RB1: variants seen among roughly 807,000 people sequenced by gnomAD.
RB1 encodes the protein retinoblastoma-associated protein.
In RB1, 18 loss-of-function variants were observed where a neutral mutation model predicts 135.4. The observed-to-expected ratio is 0.13, with a 90% CI of 0.09 to 0.20. The LOEUF is 0.20. Among genes scored for constraint, RB1 ranks in the 10% least tolerant of loss-of-function variants. RB1 has a pLI of 1.00. For synonymous variants in RB1, 365 were observed against 373.2 expected (o/e 0.98, Z 0.25); for missense variants, 868 against 1,110.0 (o/e 0.78, Z 3.10).
intron 2 of RB1, among the ~76,000 whole-genome samples, chr13:48,320,905 A>G (rs1952230329): frequency 6.6e-6 from 1 of 152,092 alleles, no homozygotes; most frequent in African/African-American, 2.4e-5. Flanking sequence ...TTTGCAGTTT[A>G]AAAAGGACGA....
At chr13:48,405,160 T>G (rs1948728480) in intron 17 of RB1, among the ~76,000 whole-genome samples, 1 of 152,168 alleles carries the variant, frequency 6.6e-6, no homozygotes, top group Non-Finnish European at 1.5e-5. Context: ...AATCCTACGA[T>G]GCAACAAGCC....
At position 48,373,426 on chromosome 13, in the gene RB1, A is replaced by G. The variant is rs1593451813; in HGVS notation, c.1149A>G (p.Gln383=). ...CTAGGACTGTTATGAACACTATCCAACAATTAATGATGATTTTAAATTCAG... is the reference window on the plus strand; with the variant it reads ...CTAGGACTGTTATGAACACTATCCAGCAATTAATGATGATTTTAAATTCAG... The part of the protein sequence containing the change: ...TPVRTVMNTI[Q]QLMMILNSAS... The change falls in exon 12 of 27, where the codon CAA becomes CAG. Residue 383 remains glutamine, a synonymous_variant. Transcript: ENST00000267163. The G allele has an allele frequency of 2.5e-6, 4 of 1,597,060 alleles. No individual in the cohort carries two copies.
chr13:48,419,649 T>G (rs992630420), intron 17 of RB1, among the ~76,000 whole-genome samples: 1 of 151,786 alleles, frequency 6.6e-6, no homozygotes, highest in South Asian at 2.1e-4. Context: ...GCCAGGCTAA[T>G]AAAGAAGAAA....
intron 17 of RB1, among the ~76,000 whole-genome samples, chr13:48,420,262 A>G (rs550044766): frequency 6.6e-6 from 1 of 152,256 alleles, no homozygotes; most frequent in Non-Finnish European, 1.5e-5. Context: ...AATCCATCAC[A>G]TAAACAGAAC....
At chr13:48,310,105 A>G (rs1187666056) in intron 2 of RB1, among the ~76,000 whole-genome samples, 2 of 152,132 alleles carry the variant, frequency 1.3e-5, no homozygotes, top group African/African-American at 4.8e-5. Context: ...TCCTGTTGTA[A>G]ATCAACAGAC....
intron 11 of RB1, among the ~76,000 whole-genome samples, chr13:48,372,733 T>G (rs967325545): frequency 1.3e-5 from 2 of 152,128 alleles, no homozygotes; most frequent in Non-Finnish European, 2.9e-5. Flanking sequence ...ACTGAGCATA[T>G]TTTACTAAAT....
chr13:48,347,795 G>A lies in RB1; in HGVS notation c.501-30G>A, dbSNP rs778983866. The A allele has an allele frequency of 5.3e-6, 8 of 1,518,098 alleles. No individual in the cohort carries two copies. The East Asian group carries it at 9.1e-5, about 17-fold the overall frequency. 94.0% of individuals were successfully genotyped at this position (1,518,098 alleles called of 1,614,324 possible). ...TATGACTTCTAAATTACGAAAAAAT[G>A]TTAAAAAGTCATAATGTTTTTCTTT... On this transcript the variant is annotated intron_variant, in intron 4 of 26. Transcript: ENST00000267163.
At chr13:48,479,263 A>G (rs1158100887) in intron 26 of RB1, among the ~76,000 whole-genome samples, 1 of 152,214 alleles carries the variant, frequency 6.6e-6, no homozygotes, top group Non-Finnish European at 1.5e-5. Context: ...TAAATGAGCT[A>G]TGATTTGATG....
chr13:48,414,286 G>T (rs904085863), intron 17 of RB1, among the ~76,000 whole-genome samples: 1 of 151,236 alleles, frequency 6.6e-6, no homozygotes, highest in Non-Finnish European at 1.5e-5. Flanking sequence ...GGCAGATGTT[G>T]CAGTGAACCA....
rs1952049962 is a variant in RB1, at chr13:48,303,823, G to T, written c.-90G>T. On this transcript the variant is annotated 5_prime_UTR_variant, in exon 1 of 27. Coordinates refer to ENST00000267163, the MANE Select transcript of RB1 (RefSeq NM_000321.3). ...GAAATTATTTTTGTAACGGGAGTCG[G>T]GAGAGGACGGGGCGTGCCCCGACGT... is the stretch of plus-strand genomic sequence containing the variant. 6.8e-7 allele frequency: 1 copy of T among 1,468,370 alleles called. No homozygotes were observed. Among genetic ancestry groups the T allele is most frequent in the Non-Finnish European group, 9.0e-7 (1 of 1,113,730 alleles). The allele number at this position is 1,468,370 out of a possible 1,614,324, so 91.0% of individuals were successfully genotyped here.
At chr13:48,371,501 A>G (rs1419544226) in intron 11 of RB1, among the ~76,000 whole-genome samples, 1 of 152,206 alleles carries the variant, frequency 6.6e-6, no homozygotes, top group Non-Finnish European at 1.5e-5. Flanking sequence ...GTTTTTAAAG[A>G]TCTGAACCAA....
intron 17 of RB1, among the ~76,000 whole-genome samples, chr13:48,397,935 A>G (rs955737471): frequency 1.7e-4 from 26 of 152,188 alleles, no homozygotes; most frequent in Non-Finnish European, 1.3e-4. Flanking sequence ...TACTTTGCAG[A>G]AGTATTTTAA....
intron 17 of RB1, among the ~76,000 whole-genome samples, chr13:48,419,819 C>G (rs951736897): frequency 6.6e-6 from 1 of 152,018 alleles, no homozygotes; most frequent in African/African-American, 2.4e-5. Flanking sequence ...ACACATACAC[C>G]CTCCCAAGAG....
chr13:48,328,481 G>A (rs4151445), intron 2 of RB1: 1 of 860,020 alleles, frequency 1.2e-6, no homozygotes, highest in Admixed American at 1.7e-5. Flanking sequence ...GCTGCGGCTG[G>A]AACTTTCCTC....
At chr13:48,314,864 T>C (rs1311435047) in intron 2 of RB1, among the ~76,000 whole-genome samples, 1 of 152,094 alleles carries the variant, frequency 6.6e-6, no homozygotes, top group Non-Finnish European at 1.5e-5. Context: ...ATAGTCCTCA[T>C]GTTGTATATT....
rs1489694228 is a variant in RB1, at chr13:48,304,063, G to A, written c.137+14G>A. The A allele has an allele frequency of 7.8e-6, 11 of 1,409,686 alleles. No individual in the cohort carries two copies. The highest frequency in any genetic ancestry group is 9.2e-6 in the Non-Finnish European group (10 of 1,090,736). 87.3% of individuals were successfully genotyped at this position (1,409,686 alleles called of 1,614,324 possible). On this transcript the variant is annotated intron_variant, in intron 1 of 26. Coordinates refer to ENST00000267163, the MANE Select transcript of RB1 (RefSeq NM_000321.3). ...GCCTCTCGTCAGGTGAGCGAGCAGA[G>A]CCGCCGTCGCCTCACGCGGGAAGGG...
rs1193739930 is a variant in RB1 at position 48,319,071 on chromosome 13, A to G, written c.264+11665A>G. On this transcript the variant is annotated intron_variant, in intron 2 of 26. Coordinates refer to ENST00000267163, the MANE Select transcript of RB1 (RefSeq NM_000321.3). The surrounding 1 kb of genome is among the most constrained non-coding windows in gnomAD (Gnocchi z 5.0). ...AGTTCAGCGGACGTGTCTGCCTGGCACGAGGACCGTTCTACAAACTCGTTC... is the reference window on the plus strand; with the variant it reads ...AGTTCAGCGGACGTGTCTGCCTGGCGCGAGGACCGTTCTACAAACTCGTTC... 3 of 617,830 alleles carry G rather than the reference A, an allele frequency of 4.9e-6. No homozygotes were observed. The highest frequency in any genetic ancestry group is 1.5e-5 in the South Asian group (1 of 66,660). The allele number at this position is 617,830 out of a possible 1,614,324, so 38.3% of individuals were successfully genotyped here. A position where few individuals can be genotyped will look rare whatever the true frequency, so the allele number is the denominator to read the frequency against.
chr13:48,318,080 G>A, intron 2 of RB1: 3 of 538,426 alleles, frequency 5.6e-6, no homozygotes, highest in South Asian at 3.6e-5. Flanking sequence ...TCCCTTCAGA[G>A]GCGGAGGCAG....
At chr13:48,398,138 T>G (rs771421458) in intron 17 of RB1, among the ~76,000 whole-genome samples, 1 of 152,188 alleles carries the variant, frequency 6.6e-6, no homozygotes, top group Non-Finnish European at 1.5e-5. Context: ...GATAAAGCAA[T>G]TATGCTATAT....
Sources: gnomAD v4.1 joint callset for allele counts (sites outside exome capture counted in the v4.1 genomes callset) on GRCh38, gnomAD v4.1.1 for gene constraint, Gnocchi (gnomAD v3.1) non-coding constraint, MANE v1.5 for transcripts, NCBI Gene and HGNC (gene_info 2026-07-23, HGNC 2026-07-21) for gene names.